TENM2: variants seen among roughly 807,000 people sequenced by gnomAD.
TENM2 encodes the protein teneurin-2.
In TENM2, 52 loss-of-function variants were observed where a neutral mutation model predicts 245.2. That is an observed-to-expected ratio of 0.21 (90% CI 0.17 to 0.27). The LOEUF (loss-of-function observed/expected upper bound fraction) is 0.27. Among genes scored for constraint, TENM2 ranks in the 10% least tolerant of loss-of-function variants. The probability of loss-of-function intolerance (pLI) is 1.00; values close to 1 mark genes in which losing one functional copy is unlikely to be tolerated. For missense variants in TENM2, 3,046 were observed against 3,666.8 expected (o/e 0.83, Z 4.37); for synonymous variants, 1,363 against 1,438.9 (o/e 0.95, Z 1.19).
chr5:167,420,267 C>A (rs1181379383), intron 2 of TENM2, among the ~76,000 whole-genome samples: 1 of 152,180 alleles, frequency 6.6e-6, no homozygotes, highest in Non-Finnish European at 1.5e-5. Flanking sequence ...AAATCCAGTT[C>A]TCAAAAACAA....
intron 12 of TENM2, among the ~76,000 whole-genome samples, chr5:168,161,817 T>TACAC (rs113801768): frequency 0.035 from 5,156 of 147,260 alleles, 266 homozygotes; most frequent in African/African-American, 0.11. Flanking sequence ...AGCGCATGTA[T>TACAC]ACACACACAC....
intron 2 of TENM2, among the ~76,000 whole-genome samples, chr5:167,490,723 A>G (rs769757668): frequency 2.0e-5 from 3 of 152,164 alleles, no homozygotes; most frequent in Non-Finnish European, 2.9e-5. Context: ...AAAACAGGAC[A>G]AACATGACTT....
At chr5:167,380,105 A>G (rs559552824) in intron 2 of TENM2, among the ~76,000 whole-genome samples, 2 of 152,234 alleles carry the variant, frequency 1.3e-5, no homozygotes, top group South Asian at 4.1e-4. Flanking sequence ...GACACAAAAT[A>G]TCATAGGTTC....
the TENM2 span, among the ~76,000 whole-genome samples, chr5:167,073,566 T>A: frequency 1.6e-4 from 24 of 152,284 alleles, no homozygotes; most frequent in East Asian, 4.6e-3. Flanking sequence ...CCCAACCCAA[T>A]TGAATGACTT....
intron 3 of TENM2, among the ~76,000 whole-genome samples, chr5:167,935,859 G>A (rs1220905322): frequency 2.0e-5 from 3 of 152,120 alleles, no homozygotes; most frequent in African/African-American, 7.2e-5. Flanking sequence ...AACATGCAGA[G>A]CTGTGCCATC....
intron 8 of TENM2, among the ~76,000 whole-genome samples, chr5:168,092,285 C>T (rs932803825): frequency 4.6e-5 from 7 of 152,230 alleles, no homozygotes; most frequent in Admixed American, 3.9e-4. Context: ...CCTATCAAAG[C>T]TGGCCAAATG....
chr5:167,431,068 A>C (rs575040329), intron 2 of TENM2, among the ~76,000 whole-genome samples: 3 of 152,200 alleles, frequency 2.0e-5, no homozygotes, highest in Non-Finnish European at 4.4e-5. Flanking sequence ...GTACATAAAG[A>C]AAGAATTTAA....
chr5:167,747,749 AT>A lies in TENM2; in HGVS notation c.503-128232del, dbSNP rs1193903210. Among the ~76,000 whole-genome samples the A allele has an allele frequency of 2.0e-5, 3 of 152,054 alleles. No homozygotes were observed. The East Asian group carries it at 5.8e-4, about 29-fold the overall frequency. The stretch of plus-strand genomic sequence containing the variant: ...TCATTGTCAACAGTATCCTATGACT[AT>A]TTTTCCAATTATTTCATGAATTAGG... On this transcript the variant is annotated intron_variant, in intron 2 of 28. Transcript: ENST00000518659.
chr5:167,398,017 T>C (rs1762155025), intron 2 of TENM2, among the ~76,000 whole-genome samples: 1 of 152,156 alleles, frequency 6.6e-6, no homozygotes, highest in Non-Finnish European at 1.5e-5. Flanking sequence ...TGTAACATAC[T>C]AATGGGAGAG....
At position 167,470,219 on chromosome 5, in the gene TENM2, T is replaced by C. The variant is rs78775151; in HGVS notation, c.502+94746T>C. On this transcript the variant is annotated intron_variant, in intron 2 of 28. Transcript: ENST00000518659. ...CCAGTAATAGAAGGTTTTGCAGCAA[T>C]AGATGATGACCCAGACATAAATCAC... is the stretch of plus-strand genomic sequence containing the variant. 7.1e-3 allele frequency among the ~76,000 whole-genome samples: 1,086 copies of C among 152,144 alleles called. 10 individuals are homozygous for C. Among genetic ancestry groups the C allele is most frequent in the South Asian group, 0.044 (213 of 4,824 alleles).
chr5:167,559,893 G>A (rs1490192831), intron 2 of TENM2, among the ~76,000 whole-genome samples: 1 of 152,144 alleles, frequency 6.6e-6, no homozygotes, highest in Non-Finnish European at 1.5e-5. Context: ...GTATATGTGG[G>A]TGGTCGACAA....
intron 13 of TENM2, chr5:168,186,613 T>C (rs1407614829): frequency 6.6e-6 from 1 of 152,104 alleles, no homozygotes; most frequent in Non-Finnish European, 1.5e-5. Flanking sequence ...TTTTGAGGAC[T>C]CTGCAAACCT....
At chr5:168,211,479 G>A (rs1036847692) in intron 19 of TENM2, among the ~76,000 whole-genome samples, 2 of 152,222 alleles carry the variant, frequency 1.3e-5, no homozygotes, top group African/African-American at 4.8e-5. Flanking sequence ...TGCCACCTCT[G>A]TCTTGTGACA....
chr5:167,663,178 G>GAGAGAGAGAGAGAGAA (rs1755344688), intron 2 of TENM2, among the ~76,000 whole-genome samples: 1 of 139,104 alleles, frequency 7.2e-6, no homozygotes, highest in African/African-American at 3.2e-5. Context: ...GAGAGAGAGA[G>GAGAGAGAGAGAGAGAA]AGAGAGAGAA....
intron 2 of TENM2, among the ~76,000 whole-genome samples, chr5:167,745,908 T>C (rs983712368): frequency 6.6e-6 from 1 of 152,226 alleles, no homozygotes; most frequent in African/African-American, 2.4e-5. Context: ...TTGGATTGTT[T>C]CCAATTTGGG....
At chr5:167,730,410 C>T (rs1292861721) in intron 2 of TENM2, among the ~76,000 whole-genome samples, 1 of 152,180 alleles carries the variant, frequency 6.6e-6, no homozygotes, top group African/African-American at 2.4e-5. Flanking sequence ...AGGAGAGGCC[C>T]ACATTTGAGT....
At chr5:167,254,541 A>G in the TENM2 span, among the ~76,000 whole-genome samples, 1 of 152,138 alleles carries the variant, frequency 6.6e-6, no homozygotes, top group East Asian at 1.9e-4. Flanking sequence ...TCTCTCTTGT[A>G]GTCTGCAAGT....
the TENM2 span, among the ~76,000 whole-genome samples, chr5:167,182,084 T>C: frequency 6.6e-6 from 1 of 152,222 alleles, no homozygotes; most frequent in African/African-American, 2.4e-5. Flanking sequence ...ACAGTTGTCA[T>C]TTGTTTTCTT....
At chr5:167,079,399 C>T in the TENM2 span, among the ~76,000 whole-genome samples, 2 of 150,510 alleles carry the variant, frequency 1.3e-5, no homozygotes, top group South Asian at 2.1e-4. Flanking sequence ...CTGCAACCTC[C>T]GCCTCCCAGG....
Sources: allele counts gnomAD v4.1 joint callset (sites outside exome capture counted in the v4.1 genomes callset), GRCh38; gene constraint gnomAD v4.1.1; transcripts MANE v1.5; gene names NCBI Gene and HGNC (gene_info 2026-07-23, HGNC 2026-07-21).